The following REEP3 variants were observed in gnomAD, a reference collection of about 807,000 sequenced individuals.
The protein encoded by REEP3 is receptor expression-enhancing protein 3.
A neutral mutation model predicts 41.3 loss-of-function variants in REEP3; 20 were observed. The observed-to-expected ratio is 0.48, with a 90% CI of 0.34 to 0.70. The LOEUF is 0.70. Ranked by LOEUF, REEP3 falls within the 30% of genes least tolerant of loss-of-function variation. REEP3 has a pLI of 0.01. For missense variants in REEP3, 271 were observed against 308.8 expected, an observed-to-expected ratio of 0.88 and a Z score of 0.92; for synonymous variants, 104 against 101.8, an observed-to-expected ratio of 1.02 and a Z score of -0.13.
At chr10:63,562,512 C>T (rs1344529537) in intron 1 of REEP3, 1 of 455,768 alleles carries the variant, frequency 2.2e-6, no homozygotes, top group Non-Finnish European at 4.4e-6. Flanking sequence ...CCCCCTCAAC[C>T]TCCCAAGGTG....
chr10:63,580,370 C>T (rs532167250), intron 2 of REEP3, among the ~76,000 whole-genome samples: 1 of 152,248 alleles, frequency 6.6e-6, no homozygotes, highest in South Asian at 2.1e-4. Flanking sequence ...CTCCTAGATT[C>T]AAGTGACCTT....
chr10:63,542,006 AAC>A (rs1443409818), intron 1 of REEP3, among the ~76,000 whole-genome samples: 1 of 152,158 alleles, frequency 6.6e-6, no homozygotes, highest in Non-Finnish European at 1.5e-5. Flanking sequence ...TAAAATGCAA[AAC>A]ACATCATTAT....
chr10:63,600,982 G>A (rs527918525), intron 5 of REEP3, among the ~76,000 whole-genome samples: 11 of 152,000 alleles, frequency 7.2e-5, no homozygotes, highest in East Asian at 1.9e-4. Context: ...GTGAAACCCC[G>A]TCTCTACTAA....
chr10:63,593,072 G>A (rs1181729760), intron 2 of REEP3, among the ~76,000 whole-genome samples: 1 of 152,180 alleles, frequency 6.6e-6, no homozygotes, highest in African/African-American at 2.4e-5. Context: ...CCAGCACTTC[G>A]GGAGGCCGAG....
At chr10:63,541,077 A>G (rs1955523810) in intron 1 of REEP3, among the ~76,000 whole-genome samples, 1 of 152,182 alleles carries the variant, frequency 6.6e-6, no homozygotes, top group Admixed American at 6.5e-5. Context: ...ATAAATATGA[A>G]TCATCTCTAC....
chr10:63,556,634 G>GTTT (rs370073734), intron 1 of REEP3, among the ~76,000 whole-genome samples: 1 of 78,564 alleles, frequency 1.3e-5, no homozygotes, highest in Non-Finnish European at 2.5e-5. Context: ...TTGTTGTTTT[G>GTTT]TTTTTTTTTT....
intron 2 of REEP3, among the ~76,000 whole-genome samples, chr10:63,573,063 C>G (rs973216063): frequency 6.6e-6 from 1 of 152,210 alleles, no homozygotes; most frequent in African/African-American, 2.4e-5. Flanking sequence ...TTTCAGAAAG[C>G]AAACATTTTC....
At chr10:63,610,395 A>C in intron 6 of REEP3, 61 bp downstream of exon 6, 77 of 1,437,732 alleles carry the variant, frequency 5.4e-5, no homozygotes, top group Non-Finnish European at 6.5e-5. Context: ...GGAACAACAT[A>C]CACTGGGGCC....
intron 6 of REEP3, 43 bp from the exon 7 acceptor site, chr10:63,619,612 G>T: frequency 6.4e-7 from 1 of 1,561,042 alleles, no homozygotes; most frequent in Non-Finnish European, 8.7e-7. Flanking sequence ...GCGCTGACTG[G>T]TGTCCTTTTA....
intron 5 of REEP3, among the ~76,000 whole-genome samples, chr10:63,604,243 C>T (rs552399259): frequency 1.3e-5 from 2 of 152,290 alleles, no homozygotes; most frequent in South Asian, 2.1e-4. Context: ...GGCATCTGTT[C>T]GCAAGGTCAC....
chr10:63,550,738 A>T (rs1011566456), intron 1 of REEP3, among the ~76,000 whole-genome samples: 4 of 152,214 alleles, frequency 2.6e-5, no homozygotes, highest in Non-Finnish European at 5.9e-5. Flanking sequence ...CTAGAGCTCC[A>T]GGTTAAGGAA....
chr10:63,576,847 C>T (rs536480880), intron 2 of REEP3, among the ~76,000 whole-genome samples: 2 of 152,284 alleles, frequency 1.3e-5, no homozygotes, highest in African/African-American at 2.4e-5. Flanking sequence ...AAATATTCCT[C>T]TTTTTCCTTT....
At chr10:63,551,957 A>G (rs1294899881) in intron 1 of REEP3, among the ~76,000 whole-genome samples, 2 of 152,206 alleles carry the variant, frequency 1.3e-5, no homozygotes, top group African/African-American at 4.8e-5. Context: ...AACTATCTGT[A>G]CTATCTTCAC....
intron 1 of REEP3, 30 bp downstream of exon 1, chr10:63,521,607 G>T: frequency 7.3e-7 from 1 of 1,375,444 alleles, no homozygotes; most frequent in East Asian, 3.3e-5. Context: ...CCCTGCAGCC[G>T]GCGCGAGGCC....
At chr10:63,547,184 T>C (rs1257064811) in intron 1 of REEP3, among the ~76,000 whole-genome samples, 1 of 151,930 alleles carries the variant, frequency 6.6e-6, no homozygotes. Flanking sequence ...CCTCCCAAAG[T>C]GCTGGGATTA....
At chr10:63,575,723 T>A (rs953414986) in intron 2 of REEP3, among the ~76,000 whole-genome samples, 64 of 152,308 alleles carry the variant, frequency 4.2e-4, no homozygotes, top group Non-Finnish European at 3.7e-4. Flanking sequence ...GACACTTTTT[T>A]AATTTATTCT....
intron 1 of REEP3, among the ~76,000 whole-genome samples, chr10:63,522,452 T>A (rs1955288122): frequency 6.6e-6 from 1 of 151,948 alleles, no homozygotes; most frequent in Admixed American, 6.5e-5. Flanking sequence ...TTTTCTCTCA[T>A]CTCCATTTTA....
chr10:63,581,646 G>C (rs1304707918), intron 2 of REEP3, among the ~76,000 whole-genome samples: 2 of 152,024 alleles, frequency 1.3e-5, no homozygotes, highest in African/African-American at 4.8e-5. Flanking sequence ...AGGAGGCTGA[G>C]GGAGGAAGAT....
In REEP3 at chr10:63,570,299, G is replaced by A. The variant is rs554503588; in HGVS notation, c.105+3889G>A. 4.2e-4 allele frequency among the ~76,000 whole-genome samples: 64 copies of A among 152,206 alleles called. 1 individual carries two copies. The highest frequency in any genetic ancestry group is 6.8e-4 in the Non-Finnish European group (46 of 68,040). ...GATGAGAAAACTATAAACATGATAT[G>A]TATTGAGATATATGTATATGTGTGT... is the stretch of plus-strand genomic sequence containing the variant. On this transcript the variant is annotated intron_variant, in intron 2 of 7. Transcript: ENST00000373758.
Sources: allele counts gnomAD v4.1 joint callset (sites outside exome capture counted in the v4.1 genomes callset), GRCh38; gene constraint gnomAD v4.1.1; transcripts MANE v1.5; gene names NCBI Gene and HGNC (gene_info 2026-07-23, HGNC 2026-07-21).